DENND1A: variants seen among roughly 807,000 people sequenced by gnomAD.
The protein encoded by DENND1A is DENN domain containing 1A.
DENND1A carries 51 observed loss-of-function variants against 113.7 expected under a neutral mutation model. That is an observed-to-expected ratio of 0.45 (90% CI 0.36 to 0.57). DENND1A has a LOEUF of 0.57. Ranked by LOEUF, DENND1A falls within the 20% of genes least tolerant of loss-of-function variation. DENND1A has a pLI of 0.00. For synonymous variants in DENND1A, 565 were observed against 570.8 expected (o/e 0.99, Z 0.14); for missense variants, 1,258 against 1,395.9 (o/e 0.90, Z 1.57).
At chr9:123,742,045 G>C (rs1242894479) in intron 5 of DENND1A, among the ~76,000 whole-genome samples, 3 of 152,232 alleles carry the variant, frequency 2.0e-5, no homozygotes, top group Non-Finnish European at 4.4e-5. Flanking sequence ...ATGCTCTAGA[G>C]TTCAGTCTCC....
chr9:123,868,766 G>A (rs1165065434), intron 2 of DENND1A, among the ~76,000 whole-genome samples: 2 of 152,268 alleles, frequency 1.3e-5, no homozygotes, highest in East Asian at 1.9e-4. Flanking sequence ...CCTAAATTGC[G>A]CACTTTAGGA....
chr9:123,772,535 A>C (rs1400628302), intron 3 of DENND1A, among the ~76,000 whole-genome samples: 1 of 152,148 alleles, frequency 6.6e-6, no homozygotes, highest in East Asian at 1.9e-4. Context: ...GCCTCGGTGC[A>C]ACTTCAACTA....
At chr9:123,823,184 A>G (rs1040873256) in intron 2 of DENND1A, among the ~76,000 whole-genome samples, 2 of 152,228 alleles carry the variant, frequency 1.3e-5, no homozygotes, top group Non-Finnish European at 2.9e-5. Context: ...AATGGGAGGT[A>G]AACGCAAAAA....
intron 1 of DENND1A, among the ~76,000 whole-genome samples, 172 bp downstream of exon 1, chr9:123,929,717 C>T (rs564264151): frequency 1.3e-5 from 2 of 151,112 alleles, no homozygotes; most frequent in East Asian, 3.9e-4. Context: ...ACCCCGCCCC[C>T]GCGCCTCCCT....
intron 9 of DENND1A, among the ~76,000 whole-genome samples, chr9:123,636,616 A>G (rs2061716214): frequency 6.6e-6 from 1 of 151,320 alleles, no homozygotes; most frequent in Admixed American, 6.6e-5. Flanking sequence ...TTTGACACAG[A>G]GTCGGTGCTG....
At chr9:123,479,081 A>C (rs913520865) in intron 13 of DENND1A, among the ~76,000 whole-genome samples, 3 of 152,214 alleles carry the variant, frequency 2.0e-5, no homozygotes, top group African/African-American at 7.2e-5. Context: ...ATAAACAAGG[A>C]AATAAATATG....
At chr9:123,387,682 C>T (rs749207709) in intron 22 of DENND1A, 48 bp downstream of exon 22, 10 of 1,285,412 alleles carry the variant, frequency 7.8e-6, no homozygotes, top group Non-Finnish European at 9.1e-6. Flanking sequence ...TGCAGCCCCG[C>T]AGAGTCACCA....
intron 1 of DENND1A, among the ~76,000 whole-genome samples, chr9:123,916,314 T>C (rs1855114527): frequency 6.6e-6 from 1 of 151,688 alleles, no homozygotes; most frequent in Non-Finnish European, 1.5e-5. Flanking sequence ...ATACATGGAA[T>C]GCTATCACTT....
At chr9:123,902,220 TAG>T (rs1405593286) in intron 1 of DENND1A, among the ~76,000 whole-genome samples, 1 of 140,254 alleles carries the variant, frequency 7.1e-6, no homozygotes, top group African/African-American at 2.6e-5. Context: ...CACACACACG[TAG>T]AGACAGAGAG....
intron 5 of DENND1A, among the ~76,000 whole-genome samples, chr9:123,710,815 G>C (rs1293820010): frequency 1.3e-5 from 2 of 151,842 alleles, no homozygotes; most frequent in African/African-American, 2.4e-5. Context: ...TGGGATTACA[G>C]GTGTGTGCCA....
intron 12 of DENND1A, among the ~76,000 whole-genome samples, chr9:123,571,335 A>T (rs2058346161): frequency 6.6e-6 from 1 of 152,238 alleles, no homozygotes; most frequent in Non-Finnish European, 1.5e-5. Context: ...GAATGCATAC[A>T]CTTAAAAAGC....
intron 2 of DENND1A, among the ~76,000 whole-genome samples, chr9:123,833,265 G>A (rs1317513808): frequency 6.6e-6 from 1 of 151,850 alleles, no homozygotes; most frequent in African/African-American, 2.4e-5. Context: ...GTCTTGACCT[G>A]GATGTTTTAA....
At chr9:123,904,150 C>A (rs1473073576) in intron 1 of DENND1A, among the ~76,000 whole-genome samples, 2 of 152,134 alleles carry the variant, frequency 1.3e-5, no homozygotes, top group African/African-American at 4.8e-5. Flanking sequence ...AACAGACCTG[C>A]AGCTGAGGGT....
At chr9:123,623,393 T>C (rs962218980) in intron 10 of DENND1A, among the ~76,000 whole-genome samples, 1 of 152,196 alleles carries the variant, frequency 6.6e-6, no homozygotes, top group South Asian at 2.1e-4. Flanking sequence ...AGGTAAGTTA[T>C]ACCCATTTTA....
At chr9:123,685,252 C>A (rs1276541132) in intron 5 of DENND1A, among the ~76,000 whole-genome samples, 2 of 152,154 alleles carry the variant, frequency 1.3e-5, no homozygotes, top group African/African-American at 4.8e-5. Flanking sequence ...AAGAGAAAAA[C>A]ACAATCCTCT....
intron 2 of DENND1A, chr9:123,798,309 G>C (rs1185179574): frequency 3.3e-5 from 5 of 152,144 alleles, no homozygotes; most frequent in Non-Finnish European, 7.4e-5. Context: ...TTCCTCCTCA[G>C]ACTAACATAT....
At chr9:123,653,956 G>A (rs145394223) in intron 8 of DENND1A, among the ~76,000 whole-genome samples, 1 of 150,748 alleles carries the variant, frequency 6.6e-6, no homozygotes, top group Non-Finnish European at 1.5e-5. Context: ...AGGTCACCCA[G>A]CTAGAAAGGG....
In DENND1A at chr9:123,382,167, GAGC is replaced by G; in HGVS notation, c.2475_2477del (p.Leu826del). 1 of 1,608,650 alleles carries G rather than the reference GAGC, an allele frequency of 6.2e-7. No individual in the cohort carries two copies. Among genetic ancestry groups the G allele is most frequent in the African/African-American group, 1.3e-5 (1 of 74,978 alleles). ...CCCCGGGGCCAGGGCTGAGCGGCTG[GAGC>G]AGTTCAGTGGGGCCTTGGGGGACAA... On this transcript the variant is annotated inframe_deletion, in exon 24 of 24. Transcript: ENST00000394215.
chr9:123,403,386 G>C lies in DENND1A; in HGVS notation c.1631+16C>G, dbSNP rs1403262436. 6.2e-7 allele frequency: 1 copy of C among 1,613,386 alleles called. No individual in the cohort carries two copies. Among genetic ancestry groups the C allele is most frequent in the East Asian group, 2.2e-5 (1 of 44,880 alleles). On this transcript the variant is annotated intron_variant, in intron 21 of 23. Transcript: ENST00000394215. ...ACAGGGTTCTTACAGACAGAGGGGA[G>C]AGGCACAATACTCACTGCTCAGGGC...
Sources: allele counts gnomAD v4.1 joint callset (sites outside exome capture counted in the v4.1 genomes callset), GRCh38; gene constraint gnomAD v4.1.1; transcripts MANE v1.5; gene names NCBI Gene and HGNC (gene_info 2026-07-23, HGNC 2026-07-21).